Variants in SLC10A7 observed in about 807,000 individuals in gnomAD.
The protein encoded by SLC10A7 is sodium/bile acid cotransporter 7.
In SLC10A7, 29 loss-of-function variants were observed where a neutral mutation model predicts 43.2. The observed-to-expected ratio is 0.67, with a 90% CI of 0.50 to 0.92. The LOEUF is 0.92. SLC10A7 is among the 40% of genes least tolerant of loss of function. SLC10A7 has a pLI of 0.00. For missense variants in SLC10A7, 295 were observed against 403.2 expected (o/e 0.73, Z 2.30); for synonymous variants, 152 against 144.8 (o/e 1.05, Z -0.35).
chr4:146,301,745 G>C (rs891078305), intron 7 of SLC10A7, among the ~76,000 whole-genome samples: 1 of 152,090 alleles, frequency 6.6e-6, no homozygotes, highest in African/African-American at 2.4e-5. Flanking sequence ...AGAGGGAGGA[G>C]GTAAGGCTAA....
At chr4:146,373,441 T>C (rs1579020472) in intron 5 of SLC10A7, among the ~76,000 whole-genome samples, 1 of 127,070 alleles carries the variant, frequency 7.9e-6, no homozygotes, top group Admixed American at 9.3e-5. Flanking sequence ...ACCACTACAC[T>C]CCAACCTAGG....
chr4:146,353,837 AC>A (rs1482736183), intron 5 of SLC10A7, among the ~76,000 whole-genome samples: 3 of 87,490 alleles, frequency 3.4e-5, no homozygotes, highest in African/African-American at 9.4e-5. Context: ...AAATTCAACA[AC>A]CCTTCATGCT....
intron 4 of SLC10A7, among the ~76,000 whole-genome samples, chr4:146,452,587 T>C (rs1730724089): frequency 6.6e-6 from 1 of 152,104 alleles, no homozygotes; most frequent in South Asian, 2.1e-4. Flanking sequence ...ACTTAGTTGC[T>C]AGTTTTACTA....
intron 5 of SLC10A7, among the ~76,000 whole-genome samples, chr4:146,375,304 A>C (rs1737110113): frequency 6.6e-6 from 1 of 152,208 alleles, no homozygotes; most frequent in Admixed American, 6.6e-5. Context: ...GATTTTAGGA[A>C]AAACATTCTA....
chr4:146,313,520 T>A (rs561627057), intron 6 of SLC10A7, among the ~76,000 whole-genome samples: 2 of 152,126 alleles, frequency 1.3e-5, no homozygotes, highest in Non-Finnish European at 2.9e-5. Context: ...GACAATCAGA[T>A]GGCTAGTTTT....
chr4:146,335,606 C>T (rs1038819158), intron 5 of SLC10A7, among the ~76,000 whole-genome samples: 2 of 152,028 alleles, frequency 1.3e-5, no homozygotes, highest in Non-Finnish European at 2.9e-5. Context: ...GTCCCGCAGA[C>T]CAACCCAGTT....
At chr4:146,423,701 GA>G (rs1244318521) in intron 5 of SLC10A7, among the ~76,000 whole-genome samples, 2 of 152,158 alleles carry the variant, frequency 1.3e-5, no homozygotes. Flanking sequence ...AGGAATAAAT[GA>G]GAAAAATAAG....
intron 5 of SLC10A7, among the ~76,000 whole-genome samples, chr4:146,419,112 G>A (rs1396798714): frequency 6.6e-6 from 1 of 152,182 alleles, no homozygotes. Context: ...ATCAGCAAGC[G>A]CTCTGAACCC....
intron 10 of SLC10A7, among the ~76,000 whole-genome samples, chr4:146,276,999 G>GT (rs1729250484): frequency 6.6e-6 from 1 of 151,980 alleles, no homozygotes; most frequent in South Asian, 2.1e-4. Context: ...CAAAGCCTAC[G>GT]TGGTGACTAT....
chr4:146,463,027 A>G (rs1030796902), intron 4 of SLC10A7, among the ~76,000 whole-genome samples: 1 of 152,158 alleles, frequency 6.6e-6, no homozygotes, highest in African/African-American at 2.4e-5. Context: ...CATTTATAAC[A>G]TGGTTAGAGA....
At chr4:146,279,620 G>A (rs1344776229) in intron 10 of SLC10A7, among the ~76,000 whole-genome samples, 1 of 152,136 alleles carries the variant, frequency 6.6e-6, no homozygotes, top group Non-Finnish European at 1.5e-5. Context: ...CCAACCCTGA[G>A]CTGAAACTAT....
At position 146,510,066 on chromosome 4, in the gene SLC10A7, A is replaced by C. The variant is rs374345466; in HGVS notation, c.184-17T>G. On this transcript the variant is annotated splice_polypyrimidine_tract_variant and intron_variant, in intron 2 of 11. Coordinates refer to ENST00000335472, the MANE Select transcript of SLC10A7 (RefSeq NM_001029998.6). Reference sequence around the variant, plus strand: ...GGTCAGCTCCTGGAAAAATTAAGGAAACAAAATAAACAAAGGTAAGAAAAC... The same window carrying C: ...GGTCAGCTCCTGGAAAAATTAAGGACACAAAATAAACAAAGGTAAGAAAAC... 29 of 1,587,260 alleles carry C rather than the reference A, an allele frequency of 1.8e-5. No homozygotes were observed. Among genetic ancestry groups the C allele is most frequent in the Non-Finnish European group, 2.2e-5 (26 of 1,170,528 alleles).
rs976171456 is a variant in SLC10A7 at position 146,521,628 on chromosome 4, C to T, written c.90G>A (p.Gly30=). The T allele has an allele frequency of 2.5e-6, 4 of 1,613,964 alleles. No homozygotes were observed. The highest frequency in any genetic ancestry group is 1.7e-5 in the Admixed American group (1 of 60,012). The change falls in exon 1 of 12, where the codon GGG becomes GGA. Residue 30 remains glycine (G), a synonymous_variant. Coordinates refer to ENST00000335472, the MANE Select transcript of SLC10A7 (RefSeq NM_001029998.6). Reference sequence around the variant, plus strand: ...AGGTGCAGCACTTACCCCCATTCACCCCTATGGACGGCTCCAGTTTAGCTC... The same window carrying T: ...AGGTGCAGCACTTACCCCCATTCACTCCTATGGACGGCTCCAGTTTAGCTC... The part of the protein sequence containing the change: ...IAGAKLEPSI[G]VNGGPLKPEI...
rs114536353 is a variant in SLC10A7 at position 146,482,328 on chromosome 4, C to T, written c.396+21521G>A. Among the ~76,000 whole-genome samples, 555 of 152,104 alleles carry T rather than the reference C, an allele frequency of 3.6e-3. 5 individuals are homozygous for T. The highest frequency in any genetic ancestry group is 0.012 in the African/African-American group (506 of 41,484). On this transcript the variant is annotated intron_variant, in intron 4 of 11. Transcript: ENST00000335472. The stretch of plus-strand genomic sequence containing the variant: ...TTTAAAAATAATGATCTTAAGGAAA[C>T]TCAGCAAGATATAAAAGAATACAGA...
chr4:146,504,036 T>A (rs186490955), intron 3 of SLC10A7, 112 bp from the exon 4 acceptor site: 1 of 872,728 alleles, frequency 1.1e-6, no homozygotes, highest in East Asian at 2.6e-5. Context: ...GGCATATTTA[T>A]TGATGCACAT....
intron 4 of SLC10A7, among the ~76,000 whole-genome samples, chr4:146,471,510 A>G (rs1389823242): frequency 6.6e-6 from 1 of 152,202 alleles, no homozygotes; most frequent in Non-Finnish European, 1.5e-5. Flanking sequence ...AGTTGTAGCT[A>G]AAGTCACTCC....
intron 10 of SLC10A7, among the ~76,000 whole-genome samples, chr4:146,259,805 T>A (rs1348567559): frequency 6.6e-6 from 1 of 152,236 alleles, no homozygotes; most frequent in Non-Finnish European, 1.5e-5. Context: ...CTAATTGTTT[T>A]AATGCAGCCA....
chr4:146,486,262 C>T (rs1442572564), intron 4 of SLC10A7, among the ~76,000 whole-genome samples: 1 of 152,160 alleles, frequency 6.6e-6, no homozygotes, highest in Non-Finnish European at 1.5e-5. Context: ...ATTCAACAGA[C>T]TTTCCAATTA....
intron 5 of SLC10A7, among the ~76,000 whole-genome samples, chr4:146,385,947 G>GTATA (rs1163540367): frequency 2.0e-5 from 3 of 152,152 alleles, no homozygotes; most frequent in Non-Finnish European, 4.4e-5. Flanking sequence ...CTTCCATAGT[G>GTATA]TATATGTACC....
Sources: allele counts gnomAD v4.1 joint callset (sites outside exome capture counted in the v4.1 genomes callset), GRCh38; gene constraint gnomAD v4.1.1; transcripts MANE v1.5; gene names NCBI Gene and HGNC (gene_info 2026-07-23, HGNC 2026-07-21).